Variants in TAX1BP1 observed in about 807,000 individuals in gnomAD.
TAX1BP1 encodes the protein tax1-binding protein 1.
In TAX1BP1, 62 loss-of-function variants were observed where a neutral mutation model predicts 97.7. The ratio of observed to expected loss-of-function variants is 0.63; its 90% confidence interval spans 0.52 to 0.78. TAX1BP1 has a LOEUF of 0.78. Ranked by LOEUF, TAX1BP1 falls within the 30% of genes least tolerant of loss-of-function variation. The pLI, the probability that TAX1BP1 is intolerant of heterozygous loss-of-function variation, is 0.00. For synonymous variants in TAX1BP1, 340 were observed against 304.2 expected (o/e 1.12, Z -1.23); for missense variants, 867 against 916.1 (o/e 0.95, Z 0.69).
chr7:27,806,861 A>G (rs1271018335), intron 13 of TAX1BP1, among the ~76,000 whole-genome samples: 3 of 152,124 alleles, frequency 2.0e-5, no homozygotes, highest in Admixed American at 6.5e-5. Context: ...CATCTTGGTG[A>G]TATTTCTACC....
rs749736926 is a variant in TAX1BP1 at position 27,787,321 on chromosome 7, C to T, written c.853-97C>T. 7 of 1,125,518 alleles carry T rather than the reference C, an allele frequency of 6.2e-6. No individual in the cohort carries two copies. The East Asian group carries it at 1.0e-4, about 17-fold the overall frequency. The allele number at this position is 1,125,518 out of a possible 1,614,324, so 69.7% of individuals were successfully genotyped here. A position where few individuals can be genotyped will look rare whatever the true frequency, so the allele number is the denominator to read the frequency against. Reference sequence around the variant, plus strand: ...AGTCTAGTATGTCTTTCCTTCCTTTCGTTGTCTTTGGGTTAGAAATATAAT... The same window carrying T: ...AGTCTAGTATGTCTTTCCTTCCTTTTGTTGTCTTTGGGTTAGAAATATAAT... On this transcript the variant is annotated intron_variant, in intron 7 of 16. Transcript: ENST00000396319.
intron 13 of TAX1BP1, among the ~76,000 whole-genome samples, chr7:27,807,446 T>A (rs1704859234): frequency 6.6e-6 from 1 of 152,176 alleles, no homozygotes; most frequent in Non-Finnish European, 1.5e-5. Context: ...CTTTATAGCC[T>A]TTCTTAACCT....
At chr7:27,825,235 CTT>C (rs767330487) in intron 15 of TAX1BP1, among the ~76,000 whole-genome samples, 35 of 139,594 alleles carry the variant, frequency 2.5e-4, no homozygotes, top group Non-Finnish European at 2.7e-4. Context: ...TTCCCAGTAG[CTT>C]TTTTTTTTTT....
chr7:27,816,414 T>C lies in TAX1BP1; in HGVS notation c.1830T>C (p.Pro610=), dbSNP rs1285103483. The C allele has an allele frequency of 6.3e-7, 1 of 1,587,072 alleles. No homozygotes were observed. Among genetic ancestry groups the C allele is most frequent in the Non-Finnish European group, 8.5e-7 (1 of 1,172,558 alleles). Residue 610 remains proline, a synonymous_variant, in exon 14 of 17, where the codon CCT becomes CCC. Coordinates refer to ENST00000396319, the MANE Select transcript of TAX1BP1 (RefSeq NM_006024.7). The stretch of plus-strand genomic sequence containing the variant: ...TGGAAGGTCAGAATTCCCAGAGTCC[T>C]CAATGTTTCAAAACATGCTCAGAGC... The part of the protein sequence containing the change: ...RKMEGQNSQS[P]QCFKTCSEQN...
intron 15 of TAX1BP1, among the ~76,000 whole-genome samples, chr7:27,825,964 T>G (rs902786647): frequency 1.3e-5 from 2 of 152,246 alleles, no homozygotes; most frequent in Non-Finnish European, 2.9e-5. Flanking sequence ...TTTTGGATTT[T>G]TTTTTCAAAG....
intron 2 of TAX1BP1, among the ~76,000 whole-genome samples, chr7:27,757,127 A>C (rs767008187): frequency 2.0e-5 from 3 of 152,128 alleles, no homozygotes; most frequent in Non-Finnish European, 2.9e-5. Context: ...CAATCAGGCC[A>C]ATCAGAATCA....
intron 13 of TAX1BP1, among the ~76,000 whole-genome samples, chr7:27,801,780 A>T (rs1053673936): frequency 6.6e-6 from 1 of 152,220 alleles, no homozygotes; most frequent in Non-Finnish European, 1.5e-5. Context: ...CGTAGTTGGT[A>T]AATGTGTTTG....
intron 5 of TAX1BP1, among the ~76,000 whole-genome samples, chr7:27,774,161 G>A (rs1186168620): frequency 6.6e-6 from 1 of 152,070 alleles, no homozygotes; most frequent in East Asian, 1.9e-4. Flanking sequence ...GAGAGAATGT[G>A]CAAGATCTCT....
At chr7:27,795,816 G>A (rs1042360900) in intron 11 of TAX1BP1, among the ~76,000 whole-genome samples, 5 of 152,144 alleles carry the variant, frequency 3.3e-5, no homozygotes, top group African/African-American at 1.2e-4. Context: ...CTCCCAAAGT[G>A]CTGGGATTAC....
At chr7:27,811,372 A>G (rs1790554019) in intron 13 of TAX1BP1, among the ~76,000 whole-genome samples, 2 of 152,028 alleles carry the variant, frequency 1.3e-5, no homozygotes, top group Non-Finnish European at 2.9e-5. Context: ...GTTGACTTGC[A>G]TTTTTCTTAA....
chr7:27,754,516 A>C (rs1788138028), intron 2 of TAX1BP1, among the ~76,000 whole-genome samples: 1 of 151,726 alleles, frequency 6.6e-6, no homozygotes, highest in Admixed American at 6.6e-5. Context: ...TGTTTTAAGT[A>C]TTTCCTTCCA....
At chr7:27,826,349 G>A (rs1039774154) in intron 15 of TAX1BP1, among the ~76,000 whole-genome samples, 3 of 152,136 alleles carry the variant, frequency 2.0e-5, no homozygotes, top group Admixed American at 2.0e-4. Context: ...CTTTTCAAGA[G>A]GGGAAAATTG....
chr7:27,792,811 A>G (rs549424957), intron 9 of TAX1BP1, among the ~76,000 whole-genome samples: 1 of 152,086 alleles, frequency 6.6e-6, no homozygotes, highest in Non-Finnish European at 1.5e-5. Flanking sequence ...AAATTTTCAA[A>G]AATTACCCAG....
At position 27,828,772 on chromosome 7, in the gene TAX1BP1, G is replaced by A; in HGVS notation, c.2313G>A (p.Gln771=). 1 of 1,613,392 alleles carries A rather than the reference G, an allele frequency of 6.2e-7. No homozygotes were observed. The highest frequency in any genetic ancestry group is 8.5e-7 in the Non-Finnish European group (1 of 1,179,766). The part of the protein sequence containing the change: ...SEQFPPDYDQ[Q]VFERHVQTHF... Reference sequence around the variant, plus strand: ...AGTTCCCTCCTGACTATGACCAGCAGGTGTTTGAAAGGCATGTGCAGACCC... The same window carrying A: ...AGTTCCCTCCTGACTATGACCAGCAAGTGTTTGAAAGGCATGTGCAGACCC... Residue 771 remains glutamine, a synonymous_variant, in exon 17 of 17, where the codon CAG becomes CAA. Coordinates refer to ENST00000396319, the MANE Select transcript of TAX1BP1 (RefSeq NM_006024.7).
At chr7:27,775,197 TA>T (rs1484054255) in intron 5 of TAX1BP1, among the ~76,000 whole-genome samples, 2 of 152,178 alleles carry the variant, frequency 1.3e-5, no homozygotes. Flanking sequence ...CCGTTGATTG[TA>T]AGATGCATCT....
intron 5 of TAX1BP1, among the ~76,000 whole-genome samples, chr7:27,778,116 G>A: frequency 6.6e-6 from 1 of 152,144 alleles, no homozygotes; most frequent in East Asian, 1.9e-4. Context: ...TTGGCATTCT[G>A]TTCTTAGTTT....
In TAX1BP1 at chr7:27,818,666, G is replaced by A. The variant is rs116864926; in HGVS notation, c.2085+1628G>A. 2.0e-4 allele frequency among the ~76,000 whole-genome samples: 30 copies of A among 152,178 alleles called. No homozygotes were observed. The East Asian group carries it at 2.1e-3, about 11-fold the overall frequency. ...AGATCAAAAACCTTTTGTGACTCCCGTTTACCTAATGATTGTAATAACTTT... is the reference window on the plus strand; with the variant it reads ...AGATCAAAAACCTTTTGTGACTCCCATTTACCTAATGATTGTAATAACTTT... On this transcript the variant is annotated intron_variant, in intron 15 of 16. Transcript: ENST00000396319.
At chr7:27,816,320 T>G in intron 13 of TAX1BP1, 29 bp from the exon 14 acceptor site, 1 of 1,500,292 alleles carries the variant, frequency 6.7e-7, no homozygotes, top group Non-Finnish European at 8.9e-7. Context: ...ATTGCTTTGC[T>G]TATTCATCTT....
chr7:27,800,698 A>T (rs1790101185), intron 13 of TAX1BP1, among the ~76,000 whole-genome samples: 1 of 152,220 alleles, frequency 6.6e-6, no homozygotes, highest in Admixed American at 6.5e-5. Context: ...TGTGACTGTG[A>T]TCCTAAATGA....
Sources: allele counts gnomAD v4.1 joint callset (sites outside exome capture counted in the v4.1 genomes callset), GRCh38; gene constraint gnomAD v4.1.1; transcripts MANE v1.5; gene names NCBI Gene and HGNC (gene_info 2026-07-23, HGNC 2026-07-21).